Variants in NOL4 observed in about 807,000 individuals in gnomAD.
The protein encoded by NOL4 is nucleolar protein 4.
In NOL4, 17 loss-of-function variants were observed where a neutral mutation model predicts 75.9. The observed-to-expected ratio is 0.22, with a 90% CI of 0.15 to 0.34. The LOEUF (loss-of-function observed/expected upper bound fraction) is 0.34, where lower values mean the gene tolerates loss of function less well. NOL4 is among the 10% of genes least tolerant of loss of function. The pLI, the probability that NOL4 is intolerant of heterozygous loss-of-function variation, is 1.00. For missense variants in NOL4, 614 were observed against 793.5 expected, an observed-to-expected ratio of 0.77 and a Z score of 2.72; for synonymous variants, 292 against 289.9, an observed-to-expected ratio of 1.01 and a Z score of -0.07.
At chr18:34,180,237 C>T (rs2033920803) in intron 1 of NOL4, among the ~76,000 whole-genome samples, 1 of 151,354 alleles carries the variant, frequency 6.6e-6, no homozygotes, top group Non-Finnish European at 1.5e-5. Context: ...CAAACATCTT[C>T]AAAAAATATT....
At chr18:33,934,902 T>C (rs1333335898) in intron 9 of NOL4, among the ~76,000 whole-genome samples, 1 of 150,906 alleles carries the variant, frequency 6.6e-6, no homozygotes, top group Admixed American at 6.6e-5. Context: ...TCTCACTCTG[T>C]TGCCTGGAGG....
At chr18:34,089,261 C>T (rs1600542306) in intron 5 of NOL4, among the ~76,000 whole-genome samples, 2 of 151,906 alleles carry the variant, frequency 1.3e-5, no homozygotes, top group African/African-American at 2.4e-5. Context: ...ATCTTAATCA[C>T]TTAATGTTAA....
chr18:34,132,364 G>A (rs1000771429), intron 1 of NOL4, among the ~76,000 whole-genome samples: 24 of 152,202 alleles, frequency 1.6e-4, no homozygotes, highest in Non-Finnish European at 3.5e-4. Context: ...ATGAGTTAGA[G>A]CACAGGAGAT....
intron 2 of NOL4, among the ~76,000 whole-genome samples, chr18:34,117,675 G>A (rs896313977): frequency 6.6e-6 from 1 of 152,192 alleles, no homozygotes; most frequent in Non-Finnish European, 1.5e-5. Context: ...TGATGGCTTT[G>A]TGACAATGCT....
intron 6 of NOL4, among the ~76,000 whole-genome samples, chr18:33,993,591 C>T (rs1022491164): frequency 4.0e-5 from 6 of 151,376 alleles, no homozygotes; most frequent in Non-Finnish European, 5.9e-5. Context: ...AAGTATGGCC[C>T]GTATACTGGA....
chr18:34,024,552 G>C (rs2075249915), intron 5 of NOL4, among the ~76,000 whole-genome samples: 1 of 151,686 alleles, frequency 6.6e-6, no homozygotes, highest in South Asian at 2.1e-4. Context: ...CTTTTCCCAG[G>C]CTCAAAACAA....
intron 1 of NOL4, among the ~76,000 whole-genome samples, chr18:34,195,449 G>A (rs2035257437): frequency 6.6e-6 from 1 of 152,052 alleles, no homozygotes; most frequent in African/African-American, 2.4e-5. Flanking sequence ...TGTAGAAATT[G>A]ATGTAGGGAA....
chr18:33,880,980 A>C (rs1430376185), intron 10 of NOL4, among the ~76,000 whole-genome samples: 25 of 152,050 alleles, frequency 1.6e-4, no homozygotes, highest in Non-Finnish European at 4.4e-5. Context: ...TATTCTCATC[A>C]CAGTCTATCC....
chr18:34,129,826 CAA>C (rs756849677), intron 2 of NOL4, 43 bp downstream of exon 2: 1 of 1,492,626 alleles, frequency 6.7e-7, no homozygotes, highest in South Asian at 1.4e-5. Flanking sequence ...TACATAATAT[CAA>C]GTCTCGAAAT....
chr18:34,049,074 G>GCACACACACA (rs1163959249), intron 5 of NOL4, among the ~76,000 whole-genome samples: 1 of 64,708 alleles, frequency 1.5e-5, no homozygotes, highest in Non-Finnish European at 3.3e-5. Flanking sequence ...ACAGGCGCGC[G>GCACACACACA]CACACACACA....
chr18:33,993,970 T>G lies in NOL4; in HGVS notation c.1056+25348A>C, dbSNP rs530381535. ...TAAAAGAATGGAAAAAGATATATAATGAATATAGAAACCATAAAAGGTTGA... is the reference window on the plus strand; with the variant it reads ...TAAAAGAATGGAAAAAGATATATAAGGAATATAGAAACCATAAAAGGTTGA... On this transcript the variant is annotated intron_variant, in intron 6 of 10. Coordinates refer to ENST00000261592, the MANE Select transcript of NOL4 (RefSeq NM_003787.5). Among the ~76,000 whole-genome samples, 11 of 151,786 alleles carry G rather than the reference T, an allele frequency of 7.2e-5. No homozygotes were observed. The East Asian group carries it at 1.4e-3, about 19-fold the overall frequency.
chr18:33,985,545 C>A (rs1158392061), intron 6 of NOL4, among the ~76,000 whole-genome samples: 1 of 152,074 alleles, frequency 6.6e-6, no homozygotes, highest in South Asian at 2.1e-4. Flanking sequence ...CACGGTTAGA[C>A]CTGATCCTCA....
At chr18:34,156,561 G>A (rs1041798443) in intron 1 of NOL4, 6 of 152,220 alleles carry the variant, frequency 3.9e-5, no homozygotes, top group Admixed American at 3.9e-4. Flanking sequence ...AGCTCCATAT[G>A]GCATGGAGTG....
chr18:33,981,847 G>A (rs568392886), intron 6 of NOL4, among the ~76,000 whole-genome samples: 8 of 151,988 alleles, frequency 5.3e-5, no homozygotes, highest in Middle Eastern at 3.4e-3. Flanking sequence ...AGCAACAATC[G>A]TACAATAACC....
chr18:33,880,831 G>A (rs1008288808), intron 10 of NOL4, among the ~76,000 whole-genome samples: 17 of 150,500 alleles, frequency 1.1e-4, no homozygotes, highest in Middle Eastern at 6.8e-3. Context: ...TTTTTTTTTA[G>A]TATAAACAGC....
chr18:33,898,531 C>T (rs904732700), intron 9 of NOL4, among the ~76,000 whole-genome samples: 6 of 152,082 alleles, frequency 3.9e-5, no homozygotes, highest in African/African-American at 1.4e-4. Flanking sequence ...CTAGTTAATG[C>T]ACCATGCCAT....
chr18:34,017,703 A>G (rs921258585), intron 6 of NOL4, among the ~76,000 whole-genome samples: 10 of 152,128 alleles, frequency 6.6e-5, no homozygotes, highest in African/African-American at 2.4e-4. Context: ...TGATTTCTCA[A>G]CATTGTCCAT....
chr18:34,165,103 A>C, intron 1 of NOL4, among the ~76,000 whole-genome samples: 1 of 110,784 alleles, frequency 9.0e-6, no homozygotes, highest in Non-Finnish European at 1.8e-5. Context: ...GGGTGGGGGA[A>C]GGGGGGAGGG....
At chr18:34,002,899 C>A (rs1203854145) in intron 6 of NOL4, among the ~76,000 whole-genome samples, 1 of 151,986 alleles carries the variant, frequency 6.6e-6, no homozygotes, top group Non-Finnish European at 1.5e-5. Flanking sequence ...TCTGAAGTGA[C>A]CATGATTTAC....
Sources: allele counts gnomAD v4.1 joint callset (sites outside exome capture counted in the v4.1 genomes callset), GRCh38; gene constraint gnomAD v4.1.1; transcripts MANE v1.5; gene names NCBI Gene and HGNC (gene_info 2026-07-23, HGNC 2026-07-21).